The following CCDC201 variants were observed in gnomAD, a reference collection of about 807,000 sequenced individuals.
CCDC201 encodes coiled-coil domain containing 201.
chr7:45,876,669 A>T (rs1386476412), upstream of CCDC201, among the ~76,000 whole-genome samples: 2 of 152,196 alleles, frequency 1.3e-5, no homozygotes, highest in African/African-American at 2.4e-5. Context: ...TGTGTCTGTG[A>T]ATAATATAAT....
the CCDC201 span, among the ~76,000 whole-genome samples, chr7:45,878,675 A>G: frequency 6.6e-6 from 1 of 152,208 alleles, no homozygotes; most frequent in East Asian, 1.9e-4. Flanking sequence ...CTGGCCCACA[A>G]AGCCATTTGC....
At chr7:45,878,960 C>T in the CCDC201 span, among the ~76,000 whole-genome samples, 1 of 152,206 alleles carries the variant, frequency 6.6e-6, no homozygotes, top group Non-Finnish European at 1.5e-5. Context: ...TGAGCTGATG[C>T]TATTAGAAGC....
chr7:45,884,383 C>A, the CCDC201 span, among the ~76,000 whole-genome samples: 1 of 152,194 alleles, frequency 6.6e-6, no homozygotes, highest in East Asian at 1.9e-4. Context: ...CAGGCGTGAG[C>A]CACTTTGCCT....
chr7:45,864,498 C>A (rs938342868), intron 2 of CCDC201, among the ~76,000 whole-genome samples: 2 of 152,142 alleles, frequency 1.3e-5, no homozygotes, highest in African/African-American at 2.4e-5. Context: ...AGCAGTTAAC[C>A]CCCGGGTGAC....
intron 1 of CCDC201, among the ~76,000 whole-genome samples, chr7:45,872,315 C>G (rs897456304): frequency 6.6e-6 from 1 of 152,236 alleles, no homozygotes; most frequent in Non-Finnish European, 1.5e-5. Context: ...GCAGGCGGAG[C>G]TGTAGGCTCC....
chr7:45,870,676 G>A (rs947288424), intron 1 of CCDC201, among the ~76,000 whole-genome samples: 13 of 151,958 alleles, frequency 8.6e-5, no homozygotes, highest in African/African-American at 2.7e-4. Context: ...TTCATAGAGC[G>A]AACTCCTAGG....
chr7:45,884,735 C>T, the CCDC201 span, among the ~76,000 whole-genome samples: 260 of 152,278 alleles, frequency 1.7e-3, 1 homozygote, highest in African/African-American at 5.8e-3. Context: ...CTTATGGAGA[C>T]GTACCCAGAC....
chr7:45,863,777 G>A (rs1051251555), intron 2 of CCDC201, among the ~76,000 whole-genome samples: 1 of 152,054 alleles, frequency 6.6e-6, no homozygotes, highest in Non-Finnish European at 1.5e-5. Flanking sequence ...CCCACCATGG[G>A]TCAGTGGTCA....
intron 1 of CCDC201, among the ~76,000 whole-genome samples, chr7:45,868,190 C>T (rs902579947): frequency 1.3e-5 from 2 of 152,160 alleles, no homozygotes; most frequent in African/African-American, 4.8e-5. Context: ...CAAGGTTGCT[C>T]ACTACCCACA....
chr7:45,866,485 A>G (rs930811769), exon 2 of CCDC201: 5 of 152,234 alleles, frequency 3.3e-5, no homozygotes, highest in Non-Finnish European at 5.9e-5. Flanking sequence ...GAGGAGCTCA[A>G]TCCTAGATCC....
intron 1 of CCDC201, among the ~76,000 whole-genome samples, 151 bp from the exon 2 acceptor site, chr7:45,866,645 A>AC (rs1366003150): frequency 1.3e-5 from 2 of 152,182 alleles, no homozygotes; most frequent in Non-Finnish European, 1.5e-5. Context: ...AGTGTGCAGA[A>AC]CCCAGGGGCA....
intron 2 of CCDC201, among the ~76,000 whole-genome samples, chr7:45,864,180 G>A (rs912990879): frequency 1.2e-4 from 19 of 152,262 alleles, no homozygotes; most frequent in African/African-American, 3.8e-4. Context: ...CTGCCTGTCT[G>A]GACTCCCAGA....
At chr7:45,880,784 G>T in the CCDC201 span, among the ~76,000 whole-genome samples, 1 of 152,352 alleles carries the variant, frequency 6.6e-6, no homozygotes, top group South Asian at 2.1e-4. Context: ...AGCGAGTGCA[G>T]CAAGGGCCTG....
chr7:45,871,164 A>T (rs1173341639), intron 1 of CCDC201, among the ~76,000 whole-genome samples: 2 of 152,354 alleles, frequency 1.3e-5, no homozygotes, highest in South Asian at 2.1e-4. Context: ...CAGATGACCC[A>T]GACATGCATA....
chr7:45,876,964 C>A (rs1243553279), upstream of CCDC201, among the ~76,000 whole-genome samples: 1 of 152,216 alleles, frequency 6.6e-6, no homozygotes, highest in Non-Finnish European at 1.5e-5. Context: ...GCTAGTCAGC[C>A]ATGTTGAAAC....
upstream of CCDC201, among the ~76,000 whole-genome samples, chr7:45,873,494 G>GCTTCTGAAA (rs143789425): frequency 4.1e-3 from 627 of 152,222 alleles, 19 homozygotes; most frequent in East Asian, 0.084. Flanking sequence ...TTCATTGAGT[G>GCTTCTGAAA]CTTCTGAAAC....
intron 1 of CCDC201, among the ~76,000 whole-genome samples, chr7:45,870,829 A>G (rs1734457460): frequency 6.6e-6 from 1 of 152,250 alleles, no homozygotes; most frequent in African/African-American, 2.4e-5. Flanking sequence ...AAAATCCCAT[A>G]GAAGATTATC....
chr7:45,873,228 A>C (rs1219261687), upstream of CCDC201: 2 of 152,398 alleles, frequency 1.3e-5, no homozygotes, highest in Non-Finnish European at 2.9e-5. Context: ...TGTTGTGTGC[A>C]CCTGAGCCTG....
upstream of CCDC201, among the ~76,000 whole-genome samples, chr7:45,877,077 G>T (rs1387328785): frequency 1.3e-5 from 2 of 152,182 alleles, no homozygotes; most frequent in Non-Finnish European, 2.9e-5. Flanking sequence ...GGGACACATA[G>T]CCCTGGACGA....
Sources: gnomAD v4.1 joint callset for allele counts (sites outside exome capture counted in the v4.1 genomes callset) on GRCh38, gnomAD v4.1.1 for gene constraint, MANE v1.5 for transcripts, NCBI Gene and HGNC (gene_info 2026-07-23, HGNC 2026-07-21) for gene names.